Variants in PGLYRP4 observed in about 807,000 individuals in gnomAD.
PGLYRP4 encodes PGRP-I-beta.
PGLYRP4 carries 39 observed loss-of-function variants against 41.2 expected under a neutral mutation model. That is an observed-to-expected ratio of 0.95 (90% confidence interval 0.73 to 1.24). PGLYRP4 has a LOEUF of 1.24. PGLYRP4 is among the 50% of genes most tolerant of loss of function. The probability of loss-of-function intolerance (pLI) is 0.00; values close to 1 mark genes in which losing one functional copy is unlikely to be tolerated. For missense variants in PGLYRP4, 467 were observed against 460.7 expected, an observed-to-expected ratio of 1.01 and a Z score of -0.13; for synonymous variants, 202 against 186.8, an observed-to-expected ratio of 1.08 and a Z score of -0.66.
chr1:153,346,008 T>A, intron 3 of PGLYRP4, 94 bp downstream of exon 3: 1 of 892,128 alleles, frequency 1.1e-6, no homozygotes, highest in Admixed American at 1.8e-5. Flanking sequence ...CCCCTCCCAG[T>A]CACATGTGGC....
At chr1:153,338,675 T>C (rs970984035) in intron 7 of PGLYRP4, among the ~76,000 whole-genome samples, 1 of 152,164 alleles carries the variant, frequency 6.6e-6, no homozygotes, top group Admixed American at 6.5e-5. Flanking sequence ...CAGGCTGGAA[T>C]TCAGTCCTTT....
intron 1 of PGLYRP4, 117 bp from the exon 2 acceptor site, chr1:153,348,095 C>T (rs1661094115): frequency 1.6e-6 from 1 of 623,582 alleles, no homozygotes; most frequent in South Asian, 2.0e-5. Context: ...TCCTGAGGGC[C>T]AGCACCTGCT....
At position 153,330,215 on chromosome 1, in the gene PGLYRP4, A is replaced by C. The variant is rs1458616222; in HGVS notation, c.*552T>G. The C allele has an allele frequency of 6.6e-6, 1 of 152,468 alleles. No homozygotes were observed. Among genetic ancestry groups the C allele is most frequent in the African/African-American group, 2.4e-5 (1 of 41,466 alleles). 9.4% of individuals were successfully genotyped at this position (152,468 alleles called of 1,614,324 possible). On this transcript the variant is annotated 3_prime_UTR_variant, in exon 9 of 9. Transcript: ENST00000359650. ...CACTGCTGAGAAACAGAGGACATAGAGATGAATAAAACACAGTTCCTCCCC... is the reference window on the plus strand; with the variant it reads ...CACTGCTGAGAAACAGAGGACATAGCGATGAATAAAACACAGTTCCTCCCC...
At position 153,343,175 on chromosome 1, in the gene PGLYRP4, T is replaced by C. The variant is rs545057465; in HGVS notation, c.387A>G (p.Glu129=). Reference sequence around the variant, plus strand: ...CTCCTTGGATATTCCAGCCAACACCTTCATACACCCTGCCATCATCCCCAA... The same window carrying C: ...CTCCTTGGATATTCCAGCCAACACCCTCATACACCCTGCCATCATCCCCAA... ...FLVGDDGRVY[E]GVGWNIQGVH... The change falls in exon 5 of 9, where the codon GAA becomes GAG. Residue 129 remains glutamate (E), a synonymous_variant. Coordinates refer to ENST00000359650, the MANE Select transcript of PGLYRP4 (RefSeq NM_020393.4). The C allele has an allele frequency of 1.9e-6, 3 of 1,613,720 alleles. No individual in the cohort carries two copies. Among genetic ancestry groups the C allele is most frequent in the Non-Finnish European group, 2.5e-6 (3 of 1,179,644 alleles).
At chr1:153,345,791 C>A (rs560001795) in intron 3 of PGLYRP4, among the ~76,000 whole-genome samples, 4 of 152,180 alleles carry the variant, frequency 2.6e-5, no homozygotes, top group African/African-American at 9.7e-5. Context: ...TCTTCTCCCC[C>A]CAGCAGGGGC....
chr1:153,334,835 C>G (rs1897695), intron 8 of PGLYRP4, among the ~76,000 whole-genome samples: 62,428 of 151,784 alleles, frequency 0.41, 13,353 homozygotes, highest in Non-Finnish European at 0.47. Flanking sequence ...AAATTAGCAT[C>G]GTACTGGTAT....
chr1:153,343,120 G>A lies in PGLYRP4; in HGVS notation c.442C>T (p.Leu148=). 6.2e-7 allele frequency: 1 copy of A among 1,612,792 alleles called. No individual in the cohort carries two copies. The highest frequency in any genetic ancestry group is 8.5e-7 in the Non-Finnish European group (1 of 1,178,774). Residue 148 remains leucine (L), a synonymous_variant, in exon 5 of 9, where the codon CTG becomes TTG. Transcript: ENST00000359650. ...TTAGTGCCAAAGAAGGCAAAGCCCA[G>A]GGAGATGTTGTTGTAGCCTTGGGTG... ...VHTQGYNNIS[L]GFAFFGTKKG...
At chr1:153,341,004 C>G (rs763170489) in intron 6 of PGLYRP4, among the ~76,000 whole-genome samples, 3 of 152,086 alleles carry the variant, frequency 2.0e-5, no homozygotes, top group Non-Finnish European at 4.4e-5. Context: ...TGGTATCCAC[C>G]TTTTATTATC....
intron 8 of PGLYRP4, among the ~76,000 whole-genome samples, chr1:153,335,628 G>C (rs1660524054): frequency 6.7e-6 from 1 of 150,052 alleles, no homozygotes; most frequent in South Asian, 2.1e-4. Context: ...GGGAGGCTGA[G>C]GCAGGAGAAT....
At chr1:153,341,474 T>C (rs1050100234) in intron 6 of PGLYRP4, among the ~76,000 whole-genome samples, 153 bp downstream of exon 6, 2 of 152,234 alleles carry the variant, frequency 1.3e-5, no homozygotes, top group African/African-American at 4.8e-5. Flanking sequence ...CTCTCAAGAT[T>C]TGCCAGCCCC....
chr1:153,341,964 C>A (rs775536668), intron 5 of PGLYRP4, among the ~76,000 whole-genome samples, 185 bp from the exon 6 acceptor site: 2 of 152,132 alleles, frequency 1.3e-5, no homozygotes, highest in African/African-American at 2.4e-5. Flanking sequence ...CTCAGTGGCT[C>A]AAAATGAAGT....
chr1:153,342,740 G>T (rs1190700985), intron 5 of PGLYRP4, among the ~76,000 whole-genome samples: 1 of 152,144 alleles, frequency 6.6e-6, no homozygotes, highest in African/African-American at 2.4e-5. Flanking sequence ...GCCACAGAAT[G>T]GTCAGAGCTC....
intron 5 of PGLYRP4, among the ~76,000 whole-genome samples, chr1:153,342,130 A>G (rs572719726): frequency 2.0e-5 from 3 of 152,252 alleles, no homozygotes; most frequent in African/African-American, 7.2e-5. Flanking sequence ...GCCTACAATA[A>G]CTCATTTAAT....
intron 3 of PGLYRP4, among the ~76,000 whole-genome samples, 167 bp from the exon 4 acceptor site, chr1:153,345,549 C>T (rs570425672): frequency 2.6e-5 from 4 of 152,254 alleles, no homozygotes; most frequent in East Asian, 3.9e-4. Context: ...ACACTCACCC[C>T]GAACACAGAC....
chr1:153,340,176 A>T (rs995563163), intron 7 of PGLYRP4, among the ~76,000 whole-genome samples: 5 of 152,176 alleles, frequency 3.3e-5, no homozygotes, highest in Non-Finnish European at 7.3e-5. Flanking sequence ...ACATCTTGAG[A>T]ACATGTTTGG....
chr1:153,337,311 C>T lies in PGLYRP4; in HGVS notation c.825-12G>A, dbSNP rs1660609836. On this transcript the variant is annotated splice_polypyrimidine_tract_variant and intron_variant, in intron 7 of 8. Coordinates refer to ENST00000359650, the MANE Select transcript of PGLYRP4 (RefSeq NM_020393.4). ...GGCCCACCAGGAAGCTAGAGGACCACAAGGGGAGATGGAGACCAGCATGAA... is the reference window on the plus strand; with the variant it reads ...GGCCCACCAGGAAGCTAGAGGACCATAAGGGGAGATGGAGACCAGCATGAA... 1 of 1,510,854 alleles carries T rather than the reference C, an allele frequency of 6.6e-7. No individual in the cohort carries two copies. The highest frequency in any genetic ancestry group is 9.1e-7 in the Non-Finnish European group (1 of 1,099,232). The allele number at this position is 1,510,854 out of a possible 1,614,324, so 93.6% of individuals were successfully genotyped here.
chr1:153,331,065 G>T, intron 8 of PGLYRP4, 120 bp from the exon 9 acceptor site: 1 of 729,382 alleles, frequency 1.4e-6, no homozygotes, highest in Non-Finnish European at 2.1e-6. Flanking sequence ...AGCCTCCCTA[G>T]AGACAGGCAA....
intron 2 of PGLYRP4, among the ~76,000 whole-genome samples, 184 bp downstream of exon 2, chr1:153,347,700 T>G (rs1211686929): frequency 1.3e-5 from 2 of 151,900 alleles, no homozygotes; most frequent in Non-Finnish European, 2.9e-5. Flanking sequence ...TTGTTGTTGT[T>G]TGTTTGTTTT....
At chr1:153,344,305 CAGAA>C (rs1660914166) in intron 4 of PGLYRP4, among the ~76,000 whole-genome samples, 1 of 152,152 alleles carries the variant, frequency 6.6e-6, no homozygotes, top group Non-Finnish European at 1.5e-5. Context: ...GAGAGTGAGA[CAGAA>C]GGAAGAAAGC....
Sources: allele counts gnomAD v4.1 joint callset (sites outside exome capture counted in the v4.1 genomes callset), GRCh38; gene constraint gnomAD v4.1.1; transcripts MANE v1.5; gene names NCBI Gene and HGNC (gene_info 2026-07-23, HGNC 2026-07-21).